ASNS: variants seen among roughly 807,000 people sequenced by gnomAD.
ASNS encodes asparagine synthetase (glutamine-hydrolyzing).
In ASNS, 37 loss-of-function variants were observed where a neutral mutation model predicts 62.6. The observed-to-expected ratio is 0.59, with a 90% CI of 0.45 to 0.78. The LOEUF is 0.78. Among genes scored for constraint, ASNS ranks in the 30% least tolerant of loss-of-function variants. The pLI is 0.00. For synonymous variants in ASNS, 207 were observed against 237.9 expected, an observed-to-expected ratio of 0.87 and a Z score of 1.19; for missense variants, 520 against 682.4, an observed-to-expected ratio of 0.76 and a Z score of 2.65.
chr7:97,885,076 G>A, the ASNS span, among the ~76,000 whole-genome samples: 1 of 152,212 alleles, frequency 6.6e-6, no homozygotes, highest in Non-Finnish European at 1.5e-5. Flanking sequence ...ATTTTTAGTA[G>A]AGACAGGGTT....
rs866033169 is a variant in ASNS at position 97,859,345 on chromosome 7, GA to G, written c.540del (p.Leu181PhefsTer10). 1.9e-6 allele frequency: 3 copies of G among 1,613,740 alleles called. No individual in the cohort carries two copies. The African/African-American group carries it at 4.0e-5, about 22-fold the overall frequency. ...SATPFLKVEP[F>X]LPGHYEVLDL... ...TCCAAAACTTCATAGTGTCCAGGAA[GA>G]AAAGGCTCCACTTTTAAAAAGGGAG... On this transcript the variant is annotated frameshift_variant, in exon 5 of 13. Coordinates refer to ENST00000394308, the MANE Select transcript of ASNS (RefSeq NM_001673.5). LOFTEE classifies it high-confidence loss of function.
At chr7:97,901,254 G>A in the ASNS span, among the ~76,000 whole-genome samples, 1 of 152,090 alleles carries the variant, frequency 6.6e-6, no homozygotes, top group Non-Finnish European at 1.5e-5. Flanking sequence ...GGAATGCAGC[G>A]ATGTGATCTC....
At chr7:97,899,119 A>G in the ASNS span, 3 of 444,366 alleles carry the variant, frequency 6.8e-6, no homozygotes, top group Non-Finnish European at 1.2e-5. Context: ...AACAACTGCC[A>G]TGGTGCTGCT....
chr7:97,859,532 GA>G (rs904566938), intron 4 of ASNS, 134 bp from the exon 5 acceptor site: 14 of 962,346 alleles, frequency 1.5e-5, no homozygotes, highest in South Asian at 3.1e-5. Flanking sequence ...AGCAAAATAG[GA>G]AAAAAAATTT....
the ASNS span, among the ~76,000 whole-genome samples, chr7:97,910,653 G>A: frequency 4.6e-5 from 7 of 151,348 alleles, no homozygotes; most frequent in East Asian, 3.9e-4. Flanking sequence ...CCAGGCTGGC[G>A]TCCAGTGGTG....
In ASNS at chr7:97,853,365, A is replaced by C. The variant is rs1369051838; in HGVS notation, c.1260T>G (p.Phe420Leu). ...AAHGLELRVPFLDHRFSSYYL... is the reference protein window; with the variant it reads ...AAHGLELRVPLLDHRFSSYYL... The stretch of plus-strand genomic sequence containing the variant: ...AATAGGAAGAAAATCGATGATCTAG[A>C]AATGGGACTCTCAGTTCAAGACTTA... The change falls in exon 11 of 13, where the codon TTT becomes TTG. Residue 420 changes from phenylalanine to leucine, a missense_variant. By Grantham distance (22) the Phe-to-Leu change is conservative (BLOSUM62 0). Coordinates refer to ENST00000394308, the MANE Select transcript of ASNS (RefSeq NM_001673.5). The C allele has an allele frequency of 6.2e-7, 1 of 1,612,694 alleles. No individual in the cohort carries two copies. The highest frequency in any genetic ancestry group is 1.1e-5 in the South Asian group (1 of 90,998).
the ASNS span, among the ~76,000 whole-genome samples, chr7:97,923,855 A>T: frequency 1.3e-5 from 2 of 151,794 alleles, no homozygotes; most frequent in East Asian, 3.9e-4. Flanking sequence ...CAGGCACCGG[A>T]CTCCACACAT....
At chr7:97,890,452 G>A in the ASNS span, among the ~76,000 whole-genome samples, 7 of 152,188 alleles carry the variant, frequency 4.6e-5, no homozygotes, top group Non-Finnish European at 7.3e-5. Context: ...TCACTTATAA[G>A]AGAATCTCCA....
At chr7:97,853,021 A>G in intron 12 of ASNS, 39 bp downstream of exon 12, 1 of 1,502,440 alleles carries the variant, frequency 6.7e-7, no homozygotes, top group Non-Finnish European at 8.9e-7. Context: ...CTGCATCCAA[A>G]CTGTCTTATT....
intron 6 of ASNS, 72 bp from the exon 7 acceptor site, chr7:97,858,477 T>G (rs1434473198): frequency 2.6e-6 from 4 of 1,557,048 alleles, no homozygotes; most frequent in Non-Finnish European, 3.5e-6. Flanking sequence ...AAGATGTATA[T>G]TCCTGATAAA....
the ASNS span, among the ~76,000 whole-genome samples, chr7:97,916,979 G>T: frequency 6.6e-6 from 1 of 152,144 alleles, no homozygotes; most frequent in African/African-American, 2.4e-5. Flanking sequence ...ACAGTCTCTA[G>T]GTGCCACTAA....
intron 3 of ASNS, among the ~76,000 whole-genome samples, chr7:97,864,947 T>G (rs1791895956): frequency 6.6e-6 from 1 of 152,218 alleles, no homozygotes; most frequent in Admixed American, 6.5e-5. Flanking sequence ...AAACATGAAC[T>G]TCATTTATGT....
the ASNS span, among the ~76,000 whole-genome samples, chr7:97,907,776 A>AT: frequency 6.6e-6 from 1 of 151,696 alleles, no homozygotes; most frequent in Non-Finnish European, 1.5e-5. Context: ...CTCAAAAAAA[A>AT]AAAAAGCACA....
At position 97,853,333 on chromosome 7, in the gene ASNS, G is replaced by C. The variant is rs778919554; in HGVS notation, c.1292C>G (p.Ser431Cys). 6.8e-6 allele frequency: 11 copies of C among 1,613,584 alleles called. No individual in the cohort carries two copies. In the South Asian group the frequency reaches 1.2e-4, roughly 18 times the overall value. ...LDHRFSSYYLSLPPEMRIPKN... is the reference protein window; with the variant it reads ...LDHRFSSYYLCLPPEMRIPKN... ...TGGAATTCTCATTTCTGGTGGCAGA[G>C]ACAAGTAATAGGAAGAAAATCGATG... Residue 431 changes from serine to cysteine, a missense_variant, in exon 11 of 13, where the codon TCT (serine) becomes TGT (cysteine). Ser to Cys is a moderately radical substitution (Grantham distance 112). Coordinates refer to ENST00000394308, the MANE Select transcript of ASNS (RefSeq NM_001673.5).
At chr7:97,894,553 T>C in the ASNS span, among the ~76,000 whole-genome samples, 2 of 148,156 alleles carry the variant, frequency 1.3e-5, no homozygotes, top group Non-Finnish European at 3.0e-5. Context: ...TTACAACTGT[T>C]ACCAAAGAAA....
Position 97,869,108 on chromosome 7 carries a change from G to C in ASNS, c.49C>G (p.Gln17Glu). ...LFGSDDCLSVQCLSAMKIAHR... is the reference protein window; with the variant it reads ...LFGSDDCLSVECLSAMKIAHR... ...GCAATCTTCATAGCACTCAGACACT[G>C]AACAGAAAGGCAATCATCACTGCCA... The change falls in exon 3 of 13, where the codon CAG becomes GAG. Residue 17 changes from glutamine (Q) to glutamate (E), a missense_variant. By Grantham distance (29) the Gln-to-Glu change is conservative. Coordinates refer to ENST00000394308, the MANE Select transcript of ASNS (RefSeq NM_001673.5). The C allele has an allele frequency of 6.2e-7, 1 of 1,614,148 alleles. No homozygotes were observed. Among genetic ancestry groups the C allele is most frequent in the Non-Finnish European group, 8.5e-7 (1 of 1,180,032 alleles).
intron 4 of ASNS, among the ~76,000 whole-genome samples, chr7:97,861,703 C>T (rs1399116641): frequency 1.3e-5 from 2 of 152,174 alleles, no homozygotes; most frequent in Admixed American, 6.5e-5. Context: ...TCACAAAGAA[C>T]TCATCTGGGA....
At chr7:97,895,661 G>A in the ASNS span, among the ~76,000 whole-genome samples, 7 of 152,052 alleles carry the variant, frequency 4.6e-5, no homozygotes, top group Admixed American at 3.9e-4. Context: ...CATGGTGGTA[G>A]GTGCCTGTAA....
rs1249240745 is a variant in ASNS at position 97,858,873 on chromosome 7, C to A, written c.756G>T (p.Arg252Ser). The A allele has an allele frequency of 3.1e-6, 5 of 1,612,296 alleles. No individual in the cohort carries two copies. ...CTTCACCTGATAAAAGGCAGCCAAT[C>A]CTTCTGTCTGTCATCAAACGTTTCT... ...AVKKRLMTDR[R>S]IGCLLSGGLD... Residue 252 changes from arginine to serine, a missense_variant, in exon 6 of 13, where the codon AGG becomes AGT. Arg to Ser is a moderately radical substitution (Grantham distance 110). Coordinates refer to ENST00000394308, the MANE Select transcript of ASNS (RefSeq NM_001673.5).
Sources: gnomAD v4.1 joint callset for allele counts (sites outside exome capture counted in the v4.1 genomes callset) on GRCh38, gnomAD v4.1.1 for gene constraint, MANE v1.5 for transcripts, NCBI Gene and HGNC (gene_info 2026-07-23, HGNC 2026-07-21) for gene names.